ACOT11: variants seen among roughly 807,000 people sequenced by gnomAD.
ACOT11 encodes the protein acyl-coenzyme A thioesterase 11.
A neutral mutation model predicts 77.5 loss-of-function variants in ACOT11; 69 were observed. The ratio of observed to expected loss-of-function variants is 0.89; its 90% CI spans 0.73 to 1.09. The LOEUF (loss-of-function observed/expected upper bound fraction) is 1.09, where lower values mean the gene tolerates loss of function less well. ACOT11 is among the 50% of genes least tolerant of loss of function. The pLI is 0.00. For synonymous variants in ACOT11, 279 were observed against 313.0 expected (o/e 0.89, Z 1.15); for missense variants, 766 against 813.7 (o/e 0.94, Z 0.71).
At chr1:54,620,710 G>A (rs1303580236) in intron 15 of ACOT11, among the ~76,000 whole-genome samples, 2 of 151,162 alleles carry the variant, frequency 1.3e-5, no homozygotes, top group Non-Finnish European at 1.5e-5. Context: ...CGGGATGGAC[G>A]TGGTGGCAGG....
chr1:54,595,223 G>A (rs1170247936), intron 6 of ACOT11, among the ~76,000 whole-genome samples: 1 of 151,972 alleles, frequency 6.6e-6, no homozygotes, highest in Non-Finnish European at 1.5e-5. Flanking sequence ...GCGTGCACCT[G>A]TAATCCTAGC....
At chr1:54,573,059 C>T (rs769146524) in intron 1 of ACOT11, 32 of 985,378 alleles carry the variant, frequency 3.2e-5, no homozygotes, top group Non-Finnish European at 3.6e-5. Context: ...GACACCATCA[C>T]GGCCTCCTGC....
At chr1:54,616,837 T>C (rs1373055289) in intron 15 of ACOT11, among the ~76,000 whole-genome samples, 1 of 152,210 alleles carries the variant, frequency 6.6e-6, no homozygotes, top group East Asian at 1.9e-4. Flanking sequence ...TGTTCACTAC[T>C]ATGTAGTTGA....
At chr1:54,575,086 G>C (rs1654061155) in intron 1 of ACOT11, among the ~76,000 whole-genome samples, 1 of 151,664 alleles carries the variant, frequency 6.6e-6, no homozygotes, top group African/African-American at 2.4e-5. Flanking sequence ...CTGGGGCTCA[G>C]TTTCTCCACC....
chr1:54,594,503 CTATT>C, intron 5 of ACOT11, 49 bp from the exon 6 acceptor site: 9 of 1,573,842 alleles, frequency 5.7e-6, no homozygotes, highest in Non-Finnish European at 7.8e-6. Context: ...GGCCCTTGTG[CTATT>C]TCAGGAGACT....
At chr1:54,565,929 C>T (rs1417964361) in intron 1 of ACOT11, among the ~76,000 whole-genome samples, 1 of 152,190 alleles carries the variant, frequency 6.6e-6, no homozygotes, top group African/African-American at 2.4e-5. Flanking sequence ...ACCTCTCATT[C>T]TTTCCCTAAT....
chr1:54,585,973 C>A, intron 3 of ACOT11, 69 bp downstream of exon 3: 3 of 1,529,028 alleles, frequency 2.0e-6, no homozygotes, highest in South Asian at 2.3e-5. Flanking sequence ...GTCCTCCTGA[C>A]TCCCTGCCTG....
chr1:54,603,380 G>T (rs576231909), intron 10 of ACOT11, among the ~76,000 whole-genome samples: 3 of 152,200 alleles, frequency 2.0e-5, no homozygotes, highest in African/African-American at 7.2e-5. Context: ...ATGAAGCCAG[G>T]TGTGTCTGAC....
In ACOT11 at chr1:54,575,820, A is replaced by G. The variant is rs563263958; in HGVS notation, c.34-8835A>G. Reference sequence around the variant, plus strand: ...GGAGCAGGACAAGTGTTCCAGGCAGAGGGAGTGGCACGGGCAAAGGCCCAG... The same window carrying G: ...GGAGCAGGACAAGTGTTCCAGGCAGGGGGAGTGGCACGGGCAAAGGCCCAG... On this transcript the variant is annotated intron_variant, in intron 1 of 15. Coordinates refer to ENST00000343744, the MANE Select transcript of ACOT11 (RefSeq NM_147161.4). 7.9e-5 allele frequency among the ~76,000 whole-genome samples: 12 copies of G among 152,302 alleles called. No individual in the cohort carries two copies. The South Asian group carries it at 2.3e-3, about 29-fold the overall frequency.
Position 54,560,165 on chromosome 1 carries a change from C to G in ACOT11, c.33+11823C>G, listed in dbSNP as rs375212022. Among the ~76,000 whole-genome samples, 29 of 152,260 alleles carry G rather than the reference C, an allele frequency of 1.9e-4. No individual in the cohort carries two copies. The South Asian group carries it at 5.8e-3, about 31-fold the overall frequency. On this transcript the variant is annotated intron_variant, in intron 1 of 15. Coordinates refer to ENST00000343744, the MANE Select transcript of ACOT11 (RefSeq NM_147161.4). ...AGATGCCCTCAGGTTGATGGAGAGA[C>G]AGAGGGAGGTACAAACCTACTATGG...
chr1:54,551,702 C>CTGTTTTTGTTTTGTTTT (rs1216212502), intron 1 of ACOT11, among the ~76,000 whole-genome samples: 2 of 151,334 alleles, frequency 1.3e-5, no homozygotes, highest in Non-Finnish European at 2.9e-5. Flanking sequence ...ATGGGGCTGG[C>CTGTTTTTGTTTTGTTTT]TGTTTTTGTT....
intron 15 of ACOT11, among the ~76,000 whole-genome samples, chr1:54,623,842 C>T (rs1644254437): frequency 6.6e-6 from 1 of 152,228 alleles, no homozygotes; most frequent in Non-Finnish European, 1.5e-5. Flanking sequence ...CTGGGTGATC[C>T]CGAACATTCT....
At chr1:54,604,033 G>A in intron 11 of ACOT11, 96 bp downstream of exon 11, 2 of 1,168,536 alleles carry the variant, frequency 1.7e-6, no homozygotes, top group Non-Finnish European at 2.5e-6. Flanking sequence ...GCCGGGGAGA[G>A]CAGGATATGA....
chr1:54,569,594 A>G (rs1653865991), intron 1 of ACOT11, among the ~76,000 whole-genome samples: 1 of 151,644 alleles, frequency 6.6e-6, no homozygotes, highest in South Asian at 2.1e-4. Context: ...CCCGAAATGC[A>G]CTCCCTTCAC....
chr1:54,616,383 A>G (rs1325799520), intron 15 of ACOT11, among the ~76,000 whole-genome samples: 2 of 148,942 alleles, frequency 1.3e-5, no homozygotes, highest in Admixed American at 1.3e-4. Context: ...TTTTTTTTTG[A>G]GACGGAGTCT....
rs900145255 is a variant in ACOT11, at chr1:54,629,798, C to G, written c.1630-936C>G. The stretch of plus-strand genomic sequence containing the variant: ...GGTGTCACTATGTTGCCAGGCTGGT[C>G]TTGAACTCATGGACTCAATCCATCC... On this transcript the variant is annotated intron_variant, in intron 15 of 16. Transcript: ENST00000371316. Among the ~76,000 whole-genome samples the G allele has an allele frequency of 9.7e-5, 13 of 134,560 alleles. 1 individual carries two copies. The highest frequency in any genetic ancestry group is 3.3e-4 in the African/African-American group (13 of 39,536). The allele number at this position is 134,560 out of a possible 152,430, so 88.3% of individuals were successfully genotyped here.
chr1:54,606,122 A>G (rs1183577855), intron 13 of ACOT11, among the ~76,000 whole-genome samples: 1 of 152,210 alleles, frequency 6.6e-6, no homozygotes, highest in Non-Finnish European at 1.5e-5. Context: ...GTCTTTGCAA[A>G]AAGGGCCATG....
intron 1 of ACOT11, among the ~76,000 whole-genome samples, chr1:54,566,672 T>A (rs968721518): frequency 1.3e-5 from 2 of 152,190 alleles, no homozygotes; most frequent in African/African-American, 4.8e-5. Flanking sequence ...TGATGGAGGC[T>A]GCTTAGTGGA....
intron 3 of ACOT11, among the ~76,000 whole-genome samples, chr1:54,587,359 A>G (rs1052792086): frequency 1.9e-4 from 29 of 151,654 alleles, no homozygotes; most frequent in East Asian, 2.0e-4. Context: ...CTGAAAATAC[A>G]AAAAATTAGC....
Sources: gnomAD v4.1 joint callset for allele counts (sites outside exome capture counted in the v4.1 genomes callset) on GRCh38, gnomAD v4.1.1 for gene constraint, MANE v1.5 for transcripts, NCBI Gene and HGNC (gene_info 2026-07-23, HGNC 2026-07-21) for gene names.